GALNTL6: variants seen among roughly 807,000 people sequenced by gnomAD.
The protein encoded by GALNTL6 is polypeptide N-acetylgalactosaminyltransferase like 6.
Under a neutral mutation model 73.7 loss-of-function variants are expected in GALNTL6, and 46 were observed. The observed-to-expected ratio is 0.62, with a 90% CI of 0.49 to 0.80. The LOEUF (loss-of-function observed/expected upper bound fraction) is 0.80, where lower values mean the gene tolerates loss of function less well. Among genes scored for constraint, GALNTL6 ranks in the 30% least tolerant of loss-of-function variants. The probability of loss-of-function intolerance (pLI) is 0.00; values close to 1 mark genes in which losing one functional copy is unlikely to be tolerated. For missense variants in GALNTL6, 604 were observed against 755.0 expected, an observed-to-expected ratio of 0.80 and a Z score of 2.34; for synonymous variants, 259 against 263.7, an observed-to-expected ratio of 0.98 and a Z score of 0.17.
intron 5 of GALNTL6, among the ~76,000 whole-genome samples, chr4:172,628,979 G>A (rs931949664): frequency 2.0e-5 from 3 of 151,844 alleles, no homozygotes; most frequent in Admixed American, 6.6e-5. Flanking sequence ...CCCTGACCTC[G>A]TATATGCCAC....
At chr4:172,532,619 T>A (rs1048774476) in intron 5 of GALNTL6, among the ~76,000 whole-genome samples, 1 of 152,224 alleles carries the variant, frequency 6.6e-6, no homozygotes, top group Non-Finnish European at 1.5e-5. Context: ...ATATTAACCT[T>A]TCTTGGAGTT....
At chr4:172,279,875 A>C (rs1738979668) in intron 3 of GALNTL6, among the ~76,000 whole-genome samples, 1 of 152,184 alleles carries the variant, frequency 6.6e-6, no homozygotes, top group African/African-American at 2.4e-5. Flanking sequence ...GACTATCCAC[A>C]CAATAGAATA....
chr4:172,411,473 AATG>A (rs980649381), intron 5 of GALNTL6, among the ~76,000 whole-genome samples: 5 of 152,298 alleles, frequency 3.3e-5, no homozygotes, highest in African/African-American at 1.2e-4. Flanking sequence ...GTCCTTGAGT[AATG>A]ATAATTGTGA....
At chr4:172,231,098 C>T (rs1027951681) in intron 3 of GALNTL6, among the ~76,000 whole-genome samples, 1 of 152,118 alleles carries the variant, frequency 6.6e-6, no homozygotes, top group Non-Finnish European at 1.5e-5. Context: ...TATCATCTTT[C>T]CACCTTGGCA....
At chr4:171,870,564 A>G (rs1199129326) in intron 2 of GALNTL6, among the ~76,000 whole-genome samples, 1 of 151,384 alleles carries the variant, frequency 6.6e-6, no homozygotes, top group Non-Finnish European at 1.5e-5. Context: ...TTTTTTGGTC[A>G]TTGGTATAGG....
At chr4:172,649,086 A>G (rs1229100980) in intron 5 of GALNTL6, among the ~76,000 whole-genome samples, 11 of 152,154 alleles carry the variant, frequency 7.2e-5, no homozygotes, top group Non-Finnish European at 1.6e-4. Flanking sequence ...TTTACCCCAT[A>G]CTTCAACGTA....
chr4:171,943,027 T>C (rs2111016982), intron 2 of GALNTL6, among the ~76,000 whole-genome samples: 1 of 152,322 alleles, frequency 6.6e-6, no homozygotes, highest in East Asian at 1.9e-4. Flanking sequence ...TTATAAGTTG[T>C]CCATGAGTTC....
At chr4:172,055,245 A>T (rs1222873108) in intron 2 of GALNTL6, among the ~76,000 whole-genome samples, 1 of 152,138 alleles carries the variant, frequency 6.6e-6, no homozygotes, top group Non-Finnish European at 1.5e-5. Context: ...TCGCTTTCAG[A>T]TGTAGGCAGA....
At chr4:172,172,294 T>C (rs1057109188) in intron 2 of GALNTL6, among the ~76,000 whole-genome samples, 1 of 152,036 alleles carries the variant, frequency 6.6e-6, no homozygotes, top group Non-Finnish European at 1.5e-5. Flanking sequence ...GCCTCCTGGG[T>C]TCCAGTGATT....
chr4:172,331,826 G>T (rs1357368209), intron 4 of GALNTL6, among the ~76,000 whole-genome samples: 2 of 152,126 alleles, frequency 1.3e-5, no homozygotes, highest in African/African-American at 4.8e-5. Flanking sequence ...TGTGAATAGT[G>T]CTGTAATAAA....
At chr4:172,086,691 A>G (rs1461359410) in intron 2 of GALNTL6, among the ~76,000 whole-genome samples, 1 of 152,110 alleles carries the variant, frequency 6.6e-6, no homozygotes, top group African/African-American at 2.4e-5. Context: ...CATTATTTCA[A>G]ATAATATGCA....
chr4:173,023,495 A>G (rs528380568), intron 12 of GALNTL6, among the ~76,000 whole-genome samples: 2 of 152,204 alleles, frequency 1.3e-5, no homozygotes, highest in South Asian at 4.1e-4. Context: ...CATCTGGACT[A>G]AAAAATACAA....
intron 2 of GALNTL6, among the ~76,000 whole-genome samples, chr4:172,091,509 A>G (rs1416042836): frequency 6.6e-6 from 1 of 152,202 alleles, no homozygotes; most frequent in Non-Finnish European, 1.5e-5. Flanking sequence ...TTAAGGTATC[A>G]GACCAGTTTT....
At chr4:172,222,327 A>T (rs1186041804) in intron 2 of GALNTL6, among the ~76,000 whole-genome samples, 1 of 100,662 alleles carries the variant, frequency 9.9e-6, no homozygotes, top group African/African-American at 3.9e-5. Context: ...TGTGTTCTTT[A>T]TTCACATTAA....
intron 5 of GALNTL6, among the ~76,000 whole-genome samples, chr4:172,414,667 C>T (rs1464977105): frequency 2.0e-5 from 3 of 152,114 alleles, no homozygotes; most frequent in African/African-American, 7.2e-5. Flanking sequence ...TCATCAGAAC[C>T]AAAGTCCTTT....
chr4:172,714,280 A>G (rs1734914063), intron 5 of GALNTL6, among the ~76,000 whole-genome samples: 3 of 149,076 alleles, frequency 2.0e-5, no homozygotes, highest in African/African-American at 7.5e-5. Flanking sequence ...TCTCAGTTAT[A>G]ATTTTACAGT....
Position 172,507,697 on chromosome 4 carries a change from T to C in GALNTL6, c.553+159008T>C, listed in dbSNP as rs1359283041. 3.7e-5 allele frequency among the ~76,000 whole-genome samples: 2 copies of C among 54,774 alleles called. 1 individual carries two copies. The highest frequency in any genetic ancestry group is 9.1e-5 in the African/African-American group (2 of 21,926). 35.9% of individuals were successfully genotyped at this position (54,774 alleles called of 152,430 possible). On this transcript the variant is annotated intron_variant, in intron 5 of 12. Transcript: ENST00000506823. Reference sequence around the variant, plus strand: ...TTTCCATCACCTACTTGCAATTTTATTTTTTAGTGTTTTGGTGACCTATAA... The same window carrying C: ...TTTCCATCACCTACTTGCAATTTTACTTTTTAGTGTTTTGGTGACCTATAA...
At chr4:172,467,533 A>G (rs755376299) in intron 5 of GALNTL6, among the ~76,000 whole-genome samples, 1 of 152,126 alleles carries the variant, frequency 6.6e-6, no homozygotes, top group South Asian at 2.1e-4. Flanking sequence ...GGCAGTGTCA[A>G]GGTTCACAGG....
At chr4:172,467,202 C>T (rs977865250) in intron 5 of GALNTL6, among the ~76,000 whole-genome samples, 19 of 152,170 alleles carry the variant, frequency 1.2e-4, no homozygotes, top group Admixed American at 6.5e-5. Flanking sequence ...ACAATTCAGG[C>T]TACAGTTGGA....
Sources: gnomAD v4.1 joint callset for allele counts (sites outside exome capture counted in the v4.1 genomes callset) on GRCh38, gnomAD v4.1.1 for gene constraint, MANE v1.5 for transcripts, NCBI Gene and HGNC (gene_info 2026-07-23, HGNC 2026-07-21) for gene names.